LAMA2: variants seen among roughly 807,000 people sequenced by gnomAD.
The protein encoded by LAMA2 is laminin subunit alpha-2.
In LAMA2, 269 loss-of-function variants were observed where a neutral mutation model predicts 364.8. The ratio of observed to expected loss-of-function variants is 0.74; its 90% CI spans 0.67 to 0.82. The LOEUF is 0.82. Ranked by LOEUF, LAMA2 falls within the 40% of genes least tolerant of loss-of-function variation. LAMA2 has a pLI of 0.00. For missense variants in LAMA2, 3,807 were observed against 3,873.2 expected (o/e 0.98, Z 0.45); for synonymous variants, 1,379 against 1,370.6 (o/e 1.01, Z -0.14).
At chr6:128,951,859 C>T (rs1780842331) in intron 1 of LAMA2, among the ~76,000 whole-genome samples, 1 of 152,154 alleles carries the variant, frequency 6.6e-6, no homozygotes, top group Non-Finnish European at 1.5e-5. Context: ...AACCAAGCCT[C>T]AACACTCGGC....
At chr6:129,046,551 C>T (rs1364916020) in intron 1 of LAMA2, among the ~76,000 whole-genome samples, 1 of 152,182 alleles carries the variant, frequency 6.6e-6, no homozygotes, top group African/African-American at 2.4e-5. Context: ...ACGTGTCCCT[C>T]CCACAACACA....
At chr6:129,181,930 T>C (rs566839865) in intron 10 of LAMA2, among the ~76,000 whole-genome samples, 1 of 151,614 alleles carries the variant, frequency 6.6e-6, no homozygotes, top group South Asian at 2.1e-4. Flanking sequence ...GGGGCAAATA[T>C]CTTTATTGTG....
intron 1 of LAMA2, among the ~76,000 whole-genome samples, chr6:129,049,557 T>C (rs9402097): frequency 0.48 from 72,921 of 151,566 alleles, 20,576 homozygotes; most frequent in East Asian, 0.81. Context: ...ATACTAGATA[T>C]AAAATATCTG....
At chr6:129,416,103 T>G (rs896505843) in intron 40 of LAMA2, among the ~76,000 whole-genome samples, 1 of 96,504 alleles carries the variant, frequency 1.0e-5, no homozygotes, top group Admixed American at 9.7e-5. Context: ...CGCCCGCCAC[T>G]ACGCCCGGCT....
At chr6:128,973,457 T>A (rs887440790) in intron 1 of LAMA2, among the ~76,000 whole-genome samples, 3 of 152,222 alleles carry the variant, frequency 2.0e-5, no homozygotes, top group Admixed American at 6.5e-5. Context: ...TAAAATGTAT[T>A]ATTTTGTGCC....
intron 1 of LAMA2, among the ~76,000 whole-genome samples, chr6:128,895,875 T>C (rs868781096): frequency 2.9e-4 from 44 of 152,158 alleles, no homozygotes; most frequent in African/African-American, 1.0e-3. Context: ...TTCTAAAGCA[T>C]TTAAAAGGTT....
rs746885546 is a variant in LAMA2, at chr6:129,514,384, T to C, written c.9000T>C (p.His3000=). The C allele has an allele frequency of 2.5e-6, 4 of 1,612,924 alleles. No homozygotes were observed. The highest frequency in any genetic ancestry group is 3.4e-6 in the Non-Finnish European group (4 of 1,179,018). The stretch of plus-strand genomic sequence containing the variant: ...TTCCTACTTTCCAGTTGATGTTTCA[T>C]GTGGACAATGGTGCGGGCAGATTCA... ...IEMIDEKLMF[H]VDNGAGRFTA... Residue 3000 remains histidine (H), a synonymous_variant, in exon 64 of 65, where the codon CAT becomes CAC. Coordinates refer to ENST00000421865, the MANE Select transcript of LAMA2 (RefSeq NM_000426.4).
At chr6:129,202,187 C>CAAAAAAAAAAAA (rs776190977) in intron 12 of LAMA2, among the ~76,000 whole-genome samples, 13 of 62,136 alleles carry the variant, frequency 2.1e-4, no homozygotes, top group South Asian at 7.6e-4. Flanking sequence ...GAGTCTGTCT[C>CAAAAAAAAAAAA]AAAAAAAAAA....
chr6:129,390,808 T>C (rs1779275480), intron 35 of LAMA2, among the ~76,000 whole-genome samples: 1 of 152,200 alleles, frequency 6.6e-6, no homozygotes, highest in African/African-American at 2.4e-5. Context: ...AGACATCATT[T>C]GTAGAAAACC....
intron 12 of LAMA2, among the ~76,000 whole-genome samples, chr6:129,226,938 G>C (rs538841500): frequency 5.3e-4 from 81 of 152,170 alleles, no homozygotes; most frequent in African/African-American, 1.9e-3. Flanking sequence ...TTCCAACTTG[G>C]TTCCATTCTC....
chr6:128,926,807 GA>G (rs1362173703), intron 1 of LAMA2, among the ~76,000 whole-genome samples: 1 of 152,168 alleles, frequency 6.6e-6, no homozygotes, highest in East Asian at 1.9e-4. Context: ...GCTCAGAGTT[GA>G]AAAGATGTTT....
At chr6:129,409,411 G>A (rs907258075) in intron 40 of LAMA2, among the ~76,000 whole-genome samples, 5 of 152,196 alleles carry the variant, frequency 3.3e-5, no homozygotes, top group African/African-American at 9.6e-5. Context: ...ACTGACTTGT[G>A]CCTTTAGGAC....
At chr6:129,123,957 G>T (rs2114923728) in intron 4 of LAMA2, among the ~76,000 whole-genome samples, 1 of 152,218 alleles carries the variant, frequency 6.6e-6, no homozygotes, top group Admixed American at 6.5e-5. Flanking sequence ...ATATATATGT[G>T]GCAGAGACGG....
chr6:129,276,607 A>G (rs773571866), intron 17 of LAMA2, among the ~76,000 whole-genome samples: 33 of 152,140 alleles, frequency 2.2e-4, no homozygotes, highest in Non-Finnish European at 3.7e-4. Flanking sequence ...TTGAGCTTCT[A>G]TTGAGCAATT....
chr6:129,369,271 CTT>C (rs771289738), intron 33 of LAMA2, among the ~76,000 whole-genome samples: 1 of 152,084 alleles, frequency 6.6e-6, no homozygotes, highest in African/African-American at 2.4e-5. Context: ...AGGGTAGTCT[CTT>C]TTTTTCTGTT....
At chr6:129,370,371 G>A (rs1378673176) in intron 34 of LAMA2, among the ~76,000 whole-genome samples, 1 of 152,188 alleles carries the variant, frequency 6.6e-6, no homozygotes, top group Non-Finnish European at 1.5e-5. Flanking sequence ...TGGGATTTTT[G>A]CATTAGTATA....
intron 2 of LAMA2, among the ~76,000 whole-genome samples, chr6:129,052,873 A>G (rs1385278924): frequency 2.0e-5 from 3 of 152,174 alleles, no homozygotes; most frequent in Admixed American, 2.0e-4. Flanking sequence ...AGCTGGTTAA[A>G]GAGAGGCATG....
At chr6:129,383,286 G>A in intron 35 of LAMA2, 53 bp downstream of exon 35, 1 of 1,332,600 alleles carries the variant, frequency 7.5e-7, no homozygotes, top group Non-Finnish European at 1.1e-6. Flanking sequence ...GAAAAACACA[G>A]AAAGGGATGA....
At chr6:129,102,710 G>A (rs1775588399) in intron 4 of LAMA2, among the ~76,000 whole-genome samples, 1 of 152,080 alleles carries the variant, frequency 6.6e-6, no homozygotes, top group African/African-American at 2.4e-5. Flanking sequence ...AACAGAAGTT[G>A]TATTTGAAAG....
Sources: allele counts gnomAD v4.1 joint callset (sites outside exome capture counted in the v4.1 genomes callset), GRCh38; gene constraint gnomAD v4.1.1; transcripts MANE v1.5; gene names NCBI Gene and HGNC (gene_info 2026-07-23, HGNC 2026-07-21).